The following NUBPL variants were observed in gnomAD, a reference collection of about 807,000 sequenced individuals.
NUBPL encodes the protein NUBP iron-sulfur cluster assembly factor, mitochondrial.
In NUBPL, 31 loss-of-function variants were observed where a neutral mutation model predicts 45.7. The observed-to-expected ratio is 0.68, with a 90% CI of 0.51 to 0.92. The LOEUF is 0.92. Ranked by LOEUF, NUBPL falls within the 40% of genes least tolerant of loss-of-function variation. The pLI, the probability that NUBPL is intolerant of heterozygous loss-of-function variation, is 0.00. For missense variants in NUBPL, 401 were observed against 398.7 expected (o/e 1.01, Z -0.05); for synonymous variants, 144 against 140.9 (o/e 1.02, Z -0.15).
chr14:31,571,957 C>T (rs1036846136), intron 3 of NUBPL, among the ~76,000 whole-genome samples: 5 of 152,062 alleles, frequency 3.3e-5, no homozygotes, highest in African/African-American at 1.2e-4. Flanking sequence ...TTCACAGCAA[C>T]GTTATGGGAA....
chr14:31,832,333 A>G (rs1454170823), intron 8 of NUBPL, among the ~76,000 whole-genome samples: 4 of 152,224 alleles, frequency 2.6e-5, no homozygotes. Flanking sequence ...TTGAAGGAAG[A>G]GTTGAAAATC....
intron 4 of NUBPL, among the ~76,000 whole-genome samples, chr14:31,664,962 G>A (rs1458047387): frequency 6.6e-6 from 1 of 152,154 alleles, no homozygotes; most frequent in Non-Finnish European, 1.5e-5. Flanking sequence ...GAGGGTGTAT[G>A]TGTCCGGGAA....
Position 31,846,361 on chromosome 14 carries a change from ACATTGATGAGTGCCAC to A in NUBPL, c.694-109_694-94del, listed in dbSNP as rs2040452121. The A allele has an allele frequency of 3.3e-5, 28 of 836,134 alleles. 1 individual carries two copies. The highest frequency in any genetic ancestry group is 1.2e-4 in the South Asian group (8 of 69,098). 51.8% of individuals were successfully genotyped at this position (836,134 alleles called of 1,614,324 possible). A position where few individuals can be genotyped will look rare whatever the true frequency, so the allele number is the denominator to read the frequency against. ...CCATAGTTTATTCATCATTGTGATA[ACATTGATGAGTGCCAC>A]TAGAACTCAGTAGGCACTCTGTAAA... is the stretch of plus-strand genomic sequence containing the variant. On this transcript the variant is annotated intron_variant, in intron 8 of 10. Coordinates refer to ENST00000281081, the MANE Select transcript of NUBPL (RefSeq NM_025152.3).
At chr14:31,855,388 G>T (rs1459603013) in intron 10 of NUBPL, among the ~76,000 whole-genome samples, 1 of 152,082 alleles carries the variant, frequency 6.6e-6, no homozygotes, top group Non-Finnish European at 1.5e-5. Flanking sequence ...TTGTATTTGG[G>T]TTTACTGTTT....
chr14:31,684,105 C>T (rs1462908461), intron 6 of NUBPL, among the ~76,000 whole-genome samples: 2 of 152,200 alleles, frequency 1.3e-5, no homozygotes, highest in Non-Finnish European at 2.9e-5. Context: ...TCAGAAGTCA[C>T]ATCTGCCTGA....
intron 6 of NUBPL, among the ~76,000 whole-genome samples, chr14:31,684,386 A>G (rs372439893): frequency 6.6e-6 from 1 of 152,086 alleles, no homozygotes; most frequent in East Asian, 1.9e-4. Flanking sequence ...GCATTGCTTT[A>G]TCCCTGTATT....
intron 4 of NUBPL, among the ~76,000 whole-genome samples, chr14:31,640,070 C>T (rs6571442): frequency 6.6e-6 from 1 of 152,090 alleles, no homozygotes; most frequent in Non-Finnish European, 1.5e-5. Context: ...GCTTCGGCTC[C>T]GGCACGGTGC....
Position 31,594,297 on chromosome 14 carries a change from G to A in NUBPL, c.292-4992G>A, listed in dbSNP as rs926274528. ...TAGCTAGGCATGGTGGCCAGTGCCT[G>A]TAGTCCTAGTTACTCAAGACACTGA... On this transcript the variant is annotated intron_variant, in intron 3 of 10. Coordinates refer to ENST00000281081, the MANE Select transcript of NUBPL (RefSeq NM_025152.3). Among the ~76,000 whole-genome samples, 25 of 152,262 alleles carry A rather than the reference G, an allele frequency of 1.6e-4. 1 individual carries two copies. The highest frequency in any genetic ancestry group is 5.5e-4 in the African/African-American group (23 of 41,562).
At chr14:31,758,495 T>C (rs2038724489) in intron 6 of NUBPL, among the ~76,000 whole-genome samples, 2 of 152,188 alleles carry the variant, frequency 1.3e-5, no homozygotes, top group African/African-American at 4.8e-5. Context: ...TTAAAATACC[T>C]GCATTTTCCG....
At chr14:31,649,129 T>C (rs993644415) in intron 4 of NUBPL, among the ~76,000 whole-genome samples, 3 of 152,190 alleles carry the variant, frequency 2.0e-5, no homozygotes, top group African/African-American at 7.2e-5. Context: ...TTTTTTTACT[T>C]CACTGTTACA....
intron 3 of NUBPL, among the ~76,000 whole-genome samples, chr14:31,579,913 G>A (rs1385966165): frequency 6.6e-6 from 1 of 152,186 alleles, no homozygotes; most frequent in Non-Finnish European, 1.5e-5. Context: ...CATATTGATA[G>A]AGTTTTGGTT....
At chr14:31,581,782 G>A (rs1292137841) in intron 3 of NUBPL, among the ~76,000 whole-genome samples, 1 of 152,152 alleles carries the variant, frequency 6.6e-6, no homozygotes, top group Non-Finnish European at 1.5e-5. Flanking sequence ...AAATTTGGAT[G>A]TCAGCATAGT....
chr14:31,777,162 G>C (rs557888834), intron 6 of NUBPL, among the ~76,000 whole-genome samples: 1 of 152,276 alleles, frequency 6.6e-6, no homozygotes, highest in Non-Finnish European at 1.5e-5. Context: ...TGTATAACTT[G>C]TAGTCAGCAA....
In NUBPL at chr14:31,748,418, T is replaced by C. The variant is rs2099199; in HGVS notation, c.514-39362T>C. Reference sequence around the variant, plus strand: ...TGGATGTTGAAATCCTCAACTGTTATTGTATTGGATTCAGTCTCTTCCCTT... The same window carrying C: ...TGGATGTTGAAATCCTCAACTGTTACTGTATTGGATTCAGTCTCTTCCCTT... On this transcript the variant is annotated intron_variant, in intron 6 of 10. Coordinates refer to ENST00000281081, the MANE Select transcript of NUBPL (RefSeq NM_025152.3). Among the ~76,000 whole-genome samples the C allele has an allele frequency of 7.2e-5, 11 of 152,330 alleles. No homozygotes were observed. In the East Asian group the frequency reaches 1.9e-3, roughly 27 times the overall value.
intron 7 of NUBPL, among the ~76,000 whole-genome samples, chr14:31,816,982 C>T (rs1269900153): frequency 1.3e-5 from 2 of 151,812 alleles, no homozygotes; most frequent in Non-Finnish European, 1.5e-5. Context: ...TAGAGAAGAA[C>T]ATAAATGACC....
At chr14:31,759,178 T>G (rs7493492) in intron 6 of NUBPL, among the ~76,000 whole-genome samples, 1 of 152,040 alleles carries the variant, frequency 6.6e-6, no homozygotes, top group Non-Finnish European at 1.5e-5. Flanking sequence ...TCTGAGAAGA[T>G]TTTGTAATTT....
At chr14:31,735,735 C>G (rs1350050790) in intron 6 of NUBPL, among the ~76,000 whole-genome samples, 1 of 152,040 alleles carries the variant, frequency 6.6e-6, no homozygotes, top group African/African-American at 2.4e-5. Flanking sequence ...GCCTGTAATC[C>G]CAGCTACTCG....
chr14:31,610,966 T>C (rs2034741547), intron 4 of NUBPL, among the ~76,000 whole-genome samples: 1 of 152,118 alleles, frequency 6.6e-6, no homozygotes, highest in Non-Finnish European at 1.5e-5. Context: ...GACCCTCAGC[T>C]AGCATCATAA....
intron 3 of NUBPL, among the ~76,000 whole-genome samples, chr14:31,575,710 A>G (rs772958049): frequency 6.6e-6 from 1 of 152,206 alleles, no homozygotes; most frequent in Non-Finnish European, 1.5e-5. Context: ...TATTAAATTA[A>G]CCAATTCTTA....
Sources: gnomAD v4.1 joint callset for allele counts (sites outside exome capture counted in the v4.1 genomes callset) on GRCh38, gnomAD v4.1.1 for gene constraint, MANE v1.5 for transcripts, NCBI Gene and HGNC (gene_info 2026-07-23, HGNC 2026-07-21) for gene names.